Variants in XYLB observed in about 807,000 individuals in gnomAD.
XYLB encodes the protein xylulokinase.
XYLB carries 62 observed loss-of-function variants against 78.7 expected under a neutral mutation model. That is an observed-to-expected ratio of 0.79 (90% CI 0.64 to 0.97). XYLB has a LOEUF of 0.97. Ranked by LOEUF, XYLB falls within the 50% of genes least tolerant of loss-of-function variation. XYLB has a pLI of 0.00. For synonymous variants in XYLB, 245 were observed against 247.4 expected (o/e 0.99, Z 0.09); for missense variants, 687 against 676.8 (o/e 1.02, Z -0.17).
chr3:38,352,619 C>T (rs1705428292), intron 2 of XYLB, among the ~76,000 whole-genome samples: 1 of 152,014 alleles, frequency 6.6e-6, no homozygotes, highest in African/African-American at 2.4e-5. Context: ...CCAGCCTAGG[C>T]AATATGGTGA....
intron 15 of XYLB, among the ~76,000 whole-genome samples, chr3:38,385,112 C>T (rs1000686269): frequency 6.6e-6 from 1 of 152,086 alleles, no homozygotes; most frequent in African/African-American, 2.4e-5. Flanking sequence ...GCGATTCTTG[C>T]ACCTCAGCCA....
At position 38,394,809 on chromosome 3, in the gene XYLB, G is replaced by C. The variant is rs185627363; in HGVS notation, c.1292-696G>C. Among the ~76,000 whole-genome samples, 279 of 152,298 alleles carry C rather than the reference G, an allele frequency of 1.8e-3. 2 individuals carry two copies. Among genetic ancestry groups the C allele is most frequent in the African/African-American group, 6.2e-3 (257 of 41,568 alleles). On this transcript the variant is annotated intron_variant, in intron 15 of 18. Coordinates refer to ENST00000207870, the MANE Select transcript of XYLB (RefSeq NM_005108.4). ...GTCATCTGAAGGCTTGACTGACGCT[G>C]GAGGATCTGCCTCCAGGCTGGCTCA...
At chr3:38,432,830 T>C in the XYLB span, among the ~76,000 whole-genome samples, 1 of 152,248 alleles carries the variant, frequency 6.6e-6, no homozygotes, top group Non-Finnish European at 1.5e-5. Flanking sequence ...AGCCCCACTC[T>C]TGGCTTTCAC....
downstream of XYLB, among the ~76,000 whole-genome samples, chr3:38,425,468 T>C (rs1039791699): frequency 5.9e-5 from 9 of 152,232 alleles, no homozygotes; most frequent in Non-Finnish European, 1.2e-4. Context: ...ATGGTGATTA[T>C]AGGACTCTGC....
chr3:38,403,666 T>C (rs1346509296), intron 18 of XYLB, among the ~76,000 whole-genome samples: 1 of 152,064 alleles, frequency 6.6e-6, no homozygotes. Flanking sequence ...ATTCTGGTTG[T>C]AGGAAAGTCT....
chr3:38,420,929 A>G (rs970881985), downstream of XYLB, among the ~76,000 whole-genome samples: 1 of 152,172 alleles, frequency 6.6e-6, no homozygotes, highest in African/African-American at 2.4e-5. Context: ...GGAGCAAAAA[A>G]CTGCTCAAAC....
intron 11 of XYLB, 69 bp downstream of exon 11, chr3:38,374,571 C>G: frequency 1.1e-5 from 17 of 1,606,198 alleles, no homozygotes; most frequent in Non-Finnish European, 1.4e-5. Flanking sequence ...TGATAAGTAG[C>G]AGAGGTGCTG....
chr3:38,398,031 G>A (rs1236545333), intron 17 of XYLB, among the ~76,000 whole-genome samples: 4 of 151,302 alleles, frequency 2.6e-5, no homozygotes, highest in Non-Finnish European at 5.9e-5. Flanking sequence ...TGTTAGCCAG[G>A]ATGGTCTCGA....
chr3:38,395,613 T>C lies in XYLB; in HGVS notation c.1350+50T>C, dbSNP rs762568434. The C allele has an allele frequency of 5.0e-6, 8 of 1,584,198 alleles. No individual in the cohort carries two copies. The Admixed American group carries it at 6.7e-5, about 13-fold the overall frequency. ...ACCATGGCCTCTCCCATATCTGTTA[T>C]GTCTAAGAGCCAGAGACTGGATAGG... On this transcript the variant is annotated intron_variant, in intron 16 of 18. Coordinates refer to ENST00000207870, the MANE Select transcript of XYLB (RefSeq NM_005108.4).
intron 6 of XYLB, 146 bp downstream of exon 6, chr3:38,365,882 C>A: frequency 7.9e-7 from 1 of 1,273,542 alleles, no homozygotes; most frequent in Non-Finnish European, 1.0e-6. Context: ...GGGTCCTGAT[C>A]CAGGCCACCT....
chr3:38,366,943 C>T, intron 7 of XYLB, 70 bp downstream of exon 7: 1 of 1,065,290 alleles, frequency 9.4e-7, no homozygotes, highest in Non-Finnish European at 1.4e-6. Context: ...AGAATAGATA[C>T]ATCTTACGTG....
Position 38,375,258 on chromosome 3 carries a change from T to C in XYLB, c.1003T>C (p.Cys335Arg), listed in dbSNP as rs1706791612. Residue 335 changes from cysteine to arginine, a missense_variant and splice_region_variant, in exon 12 of 19, where the codon TGC becomes CGC. Cys to Arg is a radical substitution (Grantham distance 180). Coordinates refer to ENST00000207870, the MANE Select transcript of XYLB (RefSeq NM_005108.4). ...VDSQHYMALL[C>R]FKNGSLMREK... Reference sequence around the variant, plus strand: ...CTCCCAGCACTACATGGCACTCCTGTGGTGAGCTTGGGTGTTGGTTGGCAC... The same window carrying C: ...CTCCCAGCACTACATGGCACTCCTGCGGTGAGCTTGGGTGTTGGTTGGCAC... 2.5e-6 allele frequency: 4 copies of C among 1,613,822 alleles called. No homozygotes were observed. Among genetic ancestry groups the C allele is most frequent in the Middle Eastern group, 3.3e-4 (2 of 6,082 alleles).
At chr3:38,348,751 C>A in intron 2 of XYLB, 119 bp downstream of exon 2, 2 of 842,132 alleles carry the variant, frequency 2.4e-6, no homozygotes, top group Non-Finnish European at 3.9e-6. Context: ...GTGGTGGTCT[C>A]GGCAGACCTT....
chr3:38,398,451 A>G (rs986985409), intron 17 of XYLB, among the ~76,000 whole-genome samples: 1 of 151,696 alleles, frequency 6.6e-6, no homozygotes, highest in Non-Finnish European at 1.5e-5. Flanking sequence ...CTGGGTGACA[A>G]AGTGAGATTC....
the XYLB span, among the ~76,000 whole-genome samples, chr3:38,438,730 C>T: frequency 8.5e-5 from 13 of 152,268 alleles, no homozygotes; most frequent in Admixed American, 3.9e-4. Flanking sequence ...GAAGGAAACC[C>T]GAGTGGGTTG....
chr3:38,358,994 A>G (rs1274011520), intron 2 of XYLB, among the ~76,000 whole-genome samples: 1 of 152,210 alleles, frequency 6.6e-6, no homozygotes, highest in Non-Finnish European at 1.5e-5. Context: ...GGAGACTCCA[A>G]CGCACCAGCA....
intron 8 of XYLB, among the ~76,000 whole-genome samples, chr3:38,369,325 C>G (rs950879432): frequency 1.3e-5 from 2 of 152,176 alleles, no homozygotes; most frequent in Non-Finnish European, 2.9e-5. Context: ...GCATGTCCAC[C>G]CGTTCTGCAC....
chr3:38,412,602 T>A (rs929672215), intron 18 of XYLB, among the ~76,000 whole-genome samples: 3 of 152,158 alleles, frequency 2.0e-5, no homozygotes, highest in African/African-American at 7.2e-5. Flanking sequence ...AGATATAAAG[T>A]CAAGTCTATT....
At chr3:38,389,760 C>CT (rs1196910029) in intron 15 of XYLB, among the ~76,000 whole-genome samples, 2 of 152,198 alleles carry the variant, frequency 1.3e-5, no homozygotes, top group Non-Finnish European at 2.9e-5. Flanking sequence ...GATTACAGAG[C>CT]TCTTTCTCTG....
Sources: allele counts gnomAD v4.1 joint callset (sites outside exome capture counted in the v4.1 genomes callset), GRCh38; gene constraint gnomAD v4.1.1; transcripts MANE v1.5; gene names NCBI Gene and HGNC (gene_info 2026-07-23, HGNC 2026-07-21).